Variants in FRMD3 observed in about 807,000 individuals in gnomAD.
FRMD3 encodes FERM domain-containing protein 3.
Under a neutral mutation model 70.2 loss-of-function variants are expected in FRMD3, and 33 were observed. The observed-to-expected ratio is 0.47, with a 90% CI of 0.36 to 0.63. FRMD3 has a LOEUF of 0.63. FRMD3 is among the 20% of genes least tolerant of loss of function. The probability of loss-of-function intolerance (pLI) is 0.00; values close to 1 mark genes in which losing one functional copy is unlikely to be tolerated. For missense variants in FRMD3, 632 were observed against 711.4 expected (o/e 0.89, Z 1.27); for synonymous variants, 279 against 255.9 (o/e 1.09, Z -0.86).
intron 2 of FRMD3, among the ~76,000 whole-genome samples, chr9:83,374,660 G>A (rs980084102): frequency 6.6e-6 from 1 of 152,154 alleles, no homozygotes; most frequent in East Asian, 1.9e-4. Context: ...GGGCCATTGC[G>A]AGGATTTAAA....
chr9:83,378,964 G>C (rs1396389508), intron 2 of FRMD3, among the ~76,000 whole-genome samples: 2 of 149,894 alleles, frequency 1.3e-5, no homozygotes, highest in African/African-American at 2.5e-5. Context: ...CTGACCTCAA[G>C]TGATCCACCT....
intron 3 of FRMD3, chr9:83,351,119 T>G (rs1159014654): frequency 4.3e-6 from 1 of 234,734 alleles, no homozygotes; most frequent in East Asian, 1.8e-4. Context: ...GGGGTTAAAC[T>G]GCCATCCAAT....
downstream of FRMD3, chr9:83,243,055 G>A (rs1290256030): frequency 1.4e-6 from 1 of 735,532 alleles, no homozygotes. Flanking sequence ...GCCTAAGCAA[G>A]GTTCCTTTCT....
chr9:83,475,285 T>C lies in FRMD3; in HGVS notation c.147+62800A>G, dbSNP rs923586274. ...AAAGAACTAGAATATATATAATACA[T>C]ATATATTCATATATATGAGTCAGAT... is the stretch of plus-strand genomic sequence containing the variant. On this transcript the variant is annotated intron_variant, in intron 1 of 13. Transcript: ENST00000304195. 3.9e-5 allele frequency among the ~76,000 whole-genome samples: 6 copies of C among 151,938 alleles called. No individual in the cohort carries two copies. In the South Asian group the frequency reaches 1.2e-3, roughly 32 times the overall value.
intron 1 of FRMD3, among the ~76,000 whole-genome samples, chr9:83,490,968 A>C (rs1828810916): frequency 6.6e-6 from 1 of 152,176 alleles, no homozygotes; most frequent in South Asian, 2.1e-4. Flanking sequence ...TTCATTTTTT[A>C]AACTTCTATG....
At chr9:83,407,036 A>T (rs1237963856) in intron 1 of FRMD3, among the ~76,000 whole-genome samples, 4 of 152,136 alleles carry the variant, frequency 2.6e-5, no homozygotes, top group African/African-American at 9.7e-5. Flanking sequence ...CCTGGCAGAG[A>T]GTTCGCTGCA....
At chr9:83,304,074 C>T (rs573473073) in intron 10 of FRMD3, among the ~76,000 whole-genome samples, 3 of 152,336 alleles carry the variant, frequency 2.0e-5, no homozygotes, top group South Asian at 2.1e-4. Context: ...GTTCTCCATT[C>T]CTTTCTATGG....
At chr9:83,488,387 C>T (rs1298034386) in intron 1 of FRMD3, among the ~76,000 whole-genome samples, 2 of 152,180 alleles carry the variant, frequency 1.3e-5, no homozygotes, top group East Asian at 1.9e-4. Context: ...CACACAGTTC[C>T]ATTGATTTAG....
At chr9:83,306,222 A>G (rs1835131424) in intron 10 of FRMD3, among the ~76,000 whole-genome samples, 1 of 152,192 alleles carries the variant, frequency 6.6e-6, no homozygotes, top group Admixed American at 6.5e-5. Flanking sequence ...CCTTCCAAGC[A>G]AAACTTGCTG....
the FRMD3 span, among the ~76,000 whole-genome samples, chr9:83,557,060 T>C: frequency 1.7e-4 from 26 of 152,186 alleles, no homozygotes. Context: ...TGCATATTTA[T>C]GAAAAGCTTT....
intron 3 of FRMD3, among the ~76,000 whole-genome samples, chr9:83,371,682 C>T (rs1375205254): frequency 6.6e-6 from 1 of 152,224 alleles, no homozygotes; most frequent in Non-Finnish European, 1.5e-5. Flanking sequence ...CAGCCCCACC[C>T]CAACTCTGTT....
the FRMD3 span, among the ~76,000 whole-genome samples, chr9:83,567,746 C>CCAACAAGTTCCT: frequency 6.6e-6 from 1 of 152,162 alleles, no homozygotes; most frequent in African/African-American, 2.4e-5. Flanking sequence ...GCTCCAATTC[C>CCAACAAGTTCCT]CAACAAGTTC....
chr9:83,287,471 G>T (rs1834265563), intron 13 of FRMD3, among the ~76,000 whole-genome samples: 1 of 152,172 alleles, frequency 6.6e-6, no homozygotes, highest in African/African-American at 2.4e-5. Context: ...CCATGCCATT[G>T]ATATCATTCC....
At chr9:83,492,430 G>A (rs1828848270) in intron 1 of FRMD3, among the ~76,000 whole-genome samples, 1 of 152,118 alleles carries the variant, frequency 6.6e-6, no homozygotes, top group African/African-American at 2.4e-5. Context: ...CCCAAAACTG[G>A]CCCCAAATGT....
At chr9:83,303,729 A>T (rs1313841556) in intron 10 of FRMD3, among the ~76,000 whole-genome samples, 1 of 152,182 alleles carries the variant, frequency 6.6e-6, no homozygotes, top group African/African-American at 2.4e-5. Flanking sequence ...ACATACCTTA[A>T]ATTTCACCCT....
chr9:83,550,847 A>G, the FRMD3 span, among the ~76,000 whole-genome samples: 3 of 152,026 alleles, frequency 2.0e-5, no homozygotes, highest in South Asian at 6.2e-4. Flanking sequence ...ATTTTGCTGA[A>G]GTTGTTTGTC....
At chr9:83,496,520 A>C (rs1828946550) in intron 1 of FRMD3, among the ~76,000 whole-genome samples, 3 of 152,200 alleles carry the variant, frequency 2.0e-5, no homozygotes. Flanking sequence ...CTTAGACCCT[A>C]TCTCAGATCC....
At chr9:83,478,941 A>G (rs944529496) in intron 1 of FRMD3, among the ~76,000 whole-genome samples, 11 of 152,200 alleles carry the variant, frequency 7.2e-5, no homozygotes, top group African/African-American at 2.2e-4. Context: ...CCTGGAATAC[A>G]GAGACTGTAC....
chr9:83,538,129 T>A lies in FRMD3; in HGVS notation c.103A>T (p.Thr35Ser). Residue 35 changes from threonine to serine, a missense_variant, in exon 1 of 14, where the codon ACC becomes TCC. Thr to Ser is a moderately conservative substitution (Grantham distance 58). Transcript: ENST00000304195. The surrounding 1 kb of genome is among the most constrained non-coding windows in gnomAD (Gnocchi z 4.7). ...TCCGAGTCGTCCAGCAGCCGGATGG[T>A]GCATCTCATCTCCTGGCTGAGCGAT... ...VKSLSQEMRC[T>S]IRLLDDSEIS... 1.9e-6 allele frequency: 3 copies of A among 1,613,542 alleles called. No homozygotes were observed. Among genetic ancestry groups the A allele is most frequent in the Non-Finnish European group, 2.5e-6 (3 of 1,179,750 alleles).
Sources: gnomAD v4.1 joint callset for allele counts (sites outside exome capture counted in the v4.1 genomes callset) on GRCh38, gnomAD v4.1.1 for gene constraint, Gnocchi (gnomAD v3.1) non-coding constraint, MANE v1.5 for transcripts, NCBI Gene and HGNC (gene_info 2026-07-23, HGNC 2026-07-21) for gene names.